FRMD6: variants seen among roughly 807,000 people sequenced by gnomAD.
FRMD6 encodes the protein FERM domain-containing protein 6.
Under a neutral mutation model 73.2 loss-of-function variants are expected in FRMD6, and 37 were observed. The observed-to-expected ratio is 0.51, with a 90% CI of 0.39 to 0.66. FRMD6 has a LOEUF of 0.66. Among genes scored for constraint, FRMD6 ranks in the 30% least tolerant of loss-of-function variants. The pLI, the probability that FRMD6 is intolerant of heterozygous loss-of-function variation, is 0.00. For synonymous variants in FRMD6, 273 were observed against 282.2 expected, an observed-to-expected ratio of 0.97 and a Z score of 0.33; for missense variants, 714 against 780.5, an observed-to-expected ratio of 0.91 and a Z score of 1.02.
At chr14:51,422,431 A>G in the FRMD6 span, among the ~76,000 whole-genome samples, 1 of 152,220 alleles carries the variant, frequency 6.6e-6, no homozygotes, top group African/African-American at 2.4e-5. Context: ...CTTAATAAAC[A>G]AGTACATGAC....
At chr14:51,610,487 C>T (rs903726977) in intron 2 of FRMD6, among the ~76,000 whole-genome samples, 5 of 151,842 alleles carry the variant, frequency 3.3e-5, no homozygotes, top group Non-Finnish European at 5.9e-5. Context: ...TAAATAAAAA[C>T]AAATATTAGA....
intron 11 of FRMD6, 77 bp from the exon 12 acceptor site, chr14:51,721,872 C>T (rs1284165041): frequency 2.6e-6 from 4 of 1,527,410 alleles, no homozygotes; most frequent in Middle Eastern, 1.7e-4. Flanking sequence ...TACATAGCCA[C>T]CCTCAAAATA....
the FRMD6 span, chr14:51,454,875 T>C: frequency 6.6e-6 from 1 of 152,176 alleles, no homozygotes; most frequent in Non-Finnish European, 1.5e-5. Context: ...GAAGAGCATA[T>C]GTCAGAGGAT....
chr14:51,562,016 G>A (rs1293208661), intron 1 of FRMD6, among the ~76,000 whole-genome samples: 1 of 152,154 alleles, frequency 6.6e-6, no homozygotes, highest in Middle Eastern at 3.4e-3. Context: ...TGTAGAATTT[G>A]GCCAGAATCA....
chr14:51,466,542 G>A, the FRMD6 span, among the ~76,000 whole-genome samples: 10 of 152,146 alleles, frequency 6.6e-5, no homozygotes, highest in African/African-American at 2.4e-4. Flanking sequence ...TTGGCACTTT[G>A]TCATAAATTA....
chr14:51,573,654 G>A (rs1055603682), intron 2 of FRMD6, among the ~76,000 whole-genome samples: 1 of 152,146 alleles, frequency 6.6e-6, no homozygotes, highest in Non-Finnish European at 1.5e-5. Flanking sequence ...CCAACATCAC[G>A]CTGGTCGTTT....
the FRMD6 span, among the ~76,000 whole-genome samples, chr14:51,417,396 C>T: frequency 6.6e-6 from 1 of 152,166 alleles, no homozygotes; most frequent in African/African-American, 2.4e-5. Flanking sequence ...GATTTTAGTT[C>T]TCCTTCACTT....
At chr14:51,436,392 T>C in the FRMD6 span, 1 of 454,756 alleles carries the variant, frequency 2.2e-6, no homozygotes, top group Middle Eastern at 7.3e-4. Context: ...AGTGCATTAC[T>C]TGACCAGAGT....
chr14:51,715,299 A>C (rs762959922), intron 9 of FRMD6, 26 bp from the exon 10 acceptor site: 39 of 1,458,246 alleles, frequency 2.7e-5, no homozygotes, highest in Non-Finnish European at 3.4e-5. Flanking sequence ...TTCTTCCTGA[A>C]TTTGATTCAT....
At chr14:51,442,103 T>C in the FRMD6 span, among the ~76,000 whole-genome samples, 1,003 of 152,332 alleles carry the variant, frequency 6.6e-3, 8 homozygotes, top group Middle Eastern at 0.014. Context: ...ATCTAGCTTA[T>C]TCTGTGAAGC....
chr14:51,518,461 C>T (rs1884766417), intron 1 of FRMD6, among the ~76,000 whole-genome samples: 1 of 152,142 alleles, frequency 6.6e-6, no homozygotes, highest in Non-Finnish European at 1.5e-5. Flanking sequence ...AGCGCATTTC[C>T]AGCTCTGTGT....
the FRMD6 span, among the ~76,000 whole-genome samples, chr14:51,433,157 G>A: frequency 3.9e-5 from 6 of 152,162 alleles, no homozygotes; most frequent in South Asian, 4.1e-4. Flanking sequence ...CTACATGTGC[G>A]TTTACTGTTT....
intron 1 of FRMD6, among the ~76,000 whole-genome samples, chr14:51,663,888 G>T (rs1161180091): frequency 2.0e-5 from 3 of 152,208 alleles, no homozygotes; most frequent in African/African-American, 4.8e-5. Context: ...AGCACAAGGG[G>T]CTGGACTAGT....
chr14:51,427,862 G>T, the FRMD6 span, among the ~76,000 whole-genome samples: 1 of 152,230 alleles, frequency 6.6e-6, no homozygotes, highest in Admixed American at 6.5e-5. Flanking sequence ...ATACATCAAA[G>T]ATTTTTCTTC....
chr14:51,478,303 AT>A, the FRMD6 span, among the ~76,000 whole-genome samples: 13 of 152,120 alleles, frequency 8.5e-5, 1 homozygote, highest in Middle Eastern at 3.4e-3. Context: ...TATTATATGC[AT>A]TTTTTTTCCT....
chr14:51,706,553 C>T (rs1896632960), intron 6 of FRMD6, among the ~76,000 whole-genome samples: 1 of 152,006 alleles, frequency 6.6e-6, no homozygotes, highest in South Asian at 2.1e-4. Context: ...ATTGGTGTGT[C>T]TCCATACTTA....
chr14:51,660,959 T>C (rs944637415), intron 1 of FRMD6, among the ~76,000 whole-genome samples: 1 of 151,942 alleles, frequency 6.6e-6, no homozygotes, highest in African/African-American at 2.4e-5. Flanking sequence ...GCCACAGTGG[T>C]GGAGCACTGA....
the FRMD6 span, among the ~76,000 whole-genome samples, chr14:51,447,057 G>A: frequency 6.6e-6 from 1 of 152,170 alleles, no homozygotes; most frequent in Non-Finnish European, 1.5e-5. Context: ...ATAATACTCT[G>A]TCCCGATATG....
chr14:51,713,326 T>C (rs1025942041), intron 9 of FRMD6, among the ~76,000 whole-genome samples: 9 of 151,912 alleles, frequency 5.9e-5, no homozygotes, highest in African/African-American at 2.2e-4. Flanking sequence ...GGCATAGTGG[T>C]GGGCACCTGT....
Sources: gnomAD v4.1 joint callset for allele counts (sites outside exome capture counted in the v4.1 genomes callset) on GRCh38, gnomAD v4.1.1 for gene constraint, MANE v1.5 for transcripts, NCBI Gene and HGNC (gene_info 2026-07-23, HGNC 2026-07-21) for gene names.